AAK1: variants seen among roughly 807,000 people sequenced by gnomAD.
The protein encoded by AAK1 is AP2 associated kinase 1.
AAK1 carries 37 observed loss-of-function variants against 116.0 expected under a neutral mutation model. The observed-to-expected ratio is 0.32, with a 90% CI of 0.25 to 0.42. AAK1 has a LOEUF of 0.42. AAK1 is among the 10% of genes least tolerant of loss of function. AAK1 has a pLI of 1.00. For missense variants in AAK1, 919 were observed against 1,170.6 expected, an observed-to-expected ratio of 0.79 and a Z score of 3.14; for synonymous variants, 458 against 439.9, an observed-to-expected ratio of 1.04 and a Z score of -0.51.
At chr2:69,530,409 A>G (rs1463422765) in intron 7 of AAK1, among the ~76,000 whole-genome samples, 1 of 152,224 alleles carries the variant, frequency 6.6e-6, no homozygotes, top group Non-Finnish European at 1.5e-5. Context: ...CATGAAAAAA[A>G]ATCTAAATAA....
At chr2:69,522,017 T>G (rs1669807584) in intron 10 of AAK1, among the ~76,000 whole-genome samples, 1 of 152,224 alleles carries the variant, frequency 6.6e-6, no homozygotes, top group Non-Finnish European at 1.5e-5. Flanking sequence ...CTTTGGACTT[T>G]CTGTAATTCA....
At chr2:69,610,696 A>G (rs1449617197) in intron 2 of AAK1, among the ~76,000 whole-genome samples, 1 of 152,246 alleles carries the variant, frequency 6.6e-6, no homozygotes, top group African/African-American at 2.4e-5. Flanking sequence ...TGGACTATTA[A>G]TAGACATTTC....
At chr2:69,629,614 C>A (rs772035049) in intron 2 of AAK1, among the ~76,000 whole-genome samples, 1 of 152,112 alleles carries the variant, frequency 6.6e-6, no homozygotes, top group African/African-American at 2.4e-5. Context: ...ATCTATTATA[C>A]GATTGGAATA....
chr2:69,586,999 C>G (rs1436696760), intron 2 of AAK1, among the ~76,000 whole-genome samples: 2 of 152,068 alleles, frequency 1.3e-5, no homozygotes, highest in African/African-American at 4.8e-5. Flanking sequence ...GAGGCTGGGT[C>G]CTTCTTCCAT....
At chr2:69,608,225 C>T (rs758976523) in intron 2 of AAK1, among the ~76,000 whole-genome samples, 8 of 152,206 alleles carry the variant, frequency 5.3e-5, no homozygotes, top group Non-Finnish European at 1.0e-4. Flanking sequence ...CAAGCCAAGG[C>T]GCAACCAACA....
At chr2:69,557,305 T>G (rs1472712770) in intron 2 of AAK1, among the ~76,000 whole-genome samples, 1 of 150,932 alleles carries the variant, frequency 6.6e-6, no homozygotes, top group East Asian at 1.9e-4. Flanking sequence ...TATGTACTTT[T>G]TTTTTTTTTT....
chr2:69,605,436 C>G (rs1234028415), intron 2 of AAK1, among the ~76,000 whole-genome samples: 1 of 152,120 alleles, frequency 6.6e-6, no homozygotes, highest in Non-Finnish European at 1.5e-5. Flanking sequence ...TTTTTTCTAA[C>G]TTTTTATTTT....
intron 5 of AAK1, among the ~76,000 whole-genome samples, chr2:69,537,057 T>C (rs192506307): frequency 6.6e-6 from 1 of 152,312 alleles, no homozygotes; most frequent in East Asian, 1.9e-4. Flanking sequence ...TGAAAAACCG[T>C]GGTCTCCGTT....
intron 2 of AAK1, among the ~76,000 whole-genome samples, chr2:69,591,874 T>C (rs1200002438): frequency 2.0e-5 from 3 of 152,154 alleles, no homozygotes; most frequent in Non-Finnish European, 4.4e-5. Flanking sequence ...TGGCCTGTTC[T>C]ATATTTCAAA....
rs1469690793 is a variant in AAK1, at chr2:69,466,781, A to G, written c.*9088T>C. ...TGATAGGCACGACGTACAGGAAAGG[A>G]GATGAAGATGTTAGGCACACAGACA... On this transcript the variant is annotated 3_prime_UTR_variant, in exon 22 of 22. Coordinates refer to ENST00000409085, the MANE Select transcript of AAK1 (RefSeq NM_014911.5). 7.1e-6 allele frequency: 7 copies of G among 985,322 alleles called. No homozygotes were observed. The highest frequency in any genetic ancestry group is 1.2e-6 in the Non-Finnish European group (1 of 829,948). 61.0% of individuals were successfully genotyped at this position (985,322 alleles called of 1,614,324 possible).
intron 3 of AAK1, among the ~76,000 whole-genome samples, chr2:69,551,461 A>G (rs1671180433): frequency 1.3e-5 from 2 of 152,222 alleles, no homozygotes; most frequent in Admixed American, 1.3e-4. Context: ...TGAGCTTCCT[A>G]CTGTACAGGA....
chr2:69,622,162 G>A (rs1674666378), intron 2 of AAK1, among the ~76,000 whole-genome samples: 1 of 152,344 alleles, frequency 6.6e-6, no homozygotes, highest in Non-Finnish European at 1.5e-5. Flanking sequence ...GGGCTTGGTG[G>A]GCCCCGCACT....
chr2:69,542,167 C>A (rs1211246567), intron 5 of AAK1, among the ~76,000 whole-genome samples: 1 of 152,026 alleles, frequency 6.6e-6, no homozygotes, highest in African/African-American at 2.4e-5. Context: ...GTTGATTTTG[C>A]AAAATATGAA....
chr2:69,596,221 CTTT>C (rs112330025), intron 2 of AAK1, among the ~76,000 whole-genome samples: 2 of 138,032 alleles, frequency 1.4e-5, no homozygotes, highest in Non-Finnish European at 1.6e-5. Context: ...GTAATTTTGA[CTTT>C]TTTTTTTTTT....
Position 69,465,358 on chromosome 2 carries a change from C to A in AAK1, c.*10511G>T. On this transcript the variant is annotated 3_prime_UTR_variant, in exon 22 of 22. Coordinates refer to ENST00000409085, the MANE Select transcript of AAK1 (RefSeq NM_014911.5). The stretch of plus-strand genomic sequence containing the variant: ...AATATTTCTTCTTCAGAAGGCTAAG[C>A]TGGGAGTGCCATGGCGGGTATTGAG... 1 of 1,177,004 alleles carries A rather than the reference C, an allele frequency of 8.5e-7. No individual in the cohort carries two copies. 72.9% of individuals were successfully genotyped at this position (1,177,004 alleles called of 1,614,324 possible). A position where few individuals can be genotyped will look rare whatever the true frequency, so the allele number is the denominator to read the frequency against.
At chr2:69,543,005 G>A (rs1216073211) in intron 4 of AAK1, among the ~76,000 whole-genome samples, 2 of 152,198 alleles carry the variant, frequency 1.3e-5, no homozygotes, top group Non-Finnish European at 2.9e-5. Flanking sequence ...TATGAGACAT[G>A]GCCACAGCCT....
Position 69,471,407 on chromosome 2 carries a change from A to G in AAK1, c.*4462T>C, listed in dbSNP as rs1399211544. 44 of 985,362 alleles carry G rather than the reference A, an allele frequency of 4.5e-5. No homozygotes were observed. The highest frequency in any genetic ancestry group is 5.3e-5 in the Non-Finnish European group (44 of 829,940). 61.0% of individuals were successfully genotyped at this position (985,362 alleles called of 1,614,324 possible). On this transcript the variant is annotated 3_prime_UTR_variant, in exon 22 of 22. Coordinates refer to ENST00000409085, the MANE Select transcript of AAK1 (RefSeq NM_014911.5). The stretch of plus-strand genomic sequence containing the variant: ...CTTCAGAAACATTACTAATGTGGAA[A>G]AAGAAAAGGCTGACTTTGTGTTGAT...
chr2:69,548,260 G>A (rs552375263), intron 3 of AAK1, among the ~76,000 whole-genome samples: 13 of 152,132 alleles, frequency 8.5e-5, no homozygotes, highest in Non-Finnish European at 1.9e-4. Flanking sequence ...ACACACAAAA[G>A]TAACATGACA....
In AAK1 at chr2:69,472,644, T is replaced by C. The variant is rs528441525; in HGVS notation, c.*3225A>G. 3 of 985,442 alleles carry C rather than the reference T, an allele frequency of 3.0e-6. No homozygotes were observed. Among genetic ancestry groups the C allele is most frequent in the Non-Finnish European group, 3.6e-6 (3 of 829,918 alleles). 61.0% of individuals were successfully genotyped at this position (985,442 alleles called of 1,614,324 possible). On this transcript the variant is annotated 3_prime_UTR_variant, in exon 22 of 22. Transcript: ENST00000409085. ...TATTTTTGAAAACATTGGGACTCAT[T>C]TGAATGTTGTAAAGGGAAAAATCAA... is the stretch of plus-strand genomic sequence containing the variant.
Sources: gnomAD v4.1 joint callset for allele counts (sites outside exome capture counted in the v4.1 genomes callset) on GRCh38, gnomAD v4.1.1 for gene constraint, MANE v1.5 for transcripts, NCBI Gene and HGNC (gene_info 2026-07-23, HGNC 2026-07-21) for gene names.